RRM2: variants seen among roughly 807,000 people sequenced by gnomAD.
The protein encoded by RRM2 is ribonucleoside-diphosphate reductase subunit M2.
Under a neutral mutation model 45.9 loss-of-function variants are expected in RRM2, and 6 were observed. The ratio of observed to expected loss-of-function variants is 0.13; its 90% CI spans 0.07 to 0.26. The LOEUF is 0.26. Among genes scored for constraint, RRM2 ranks in the 10% least tolerant of loss-of-function variants. The pLI is 1.00. For missense variants in RRM2, 343 were observed against 489.5 expected, an observed-to-expected ratio of 0.70 and a Z score of 2.82; for synonymous variants, 177 against 173.0, an observed-to-expected ratio of 1.02 and a Z score of -0.18.
At chr2:10,141,565 G>C in exon 1 of RRM2, 1 of 428,842 alleles carries the variant, frequency 2.3e-6, no homozygotes, top group South Asian at 2.5e-5. Context: ...GGTTGTGCTG[G>C]AATGGAGGAG....
downstream of RRM2, among the ~76,000 whole-genome samples, chr2:10,131,611 C>T (rs1198306629): frequency 6.6e-6 from 1 of 152,202 alleles, no homozygotes; most frequent in African/African-American, 2.4e-5. Flanking sequence ...TGGTGGCACA[C>T]GCCTGTAATC....
intron 3 of RRM2, among the ~76,000 whole-genome samples, chr2:10,206,702 A>G (rs1420867954): frequency 1.3e-5 from 2 of 152,232 alleles, no homozygotes; most frequent in African/African-American, 2.4e-5. Context: ...AGAAATCCAT[A>G]TTTAGATCCA....
intron 3 of RRM2, among the ~76,000 whole-genome samples, chr2:10,193,385 C>T (rs1664350107): frequency 6.6e-6 from 1 of 152,232 alleles, no homozygotes; most frequent in Non-Finnish European, 1.5e-5. Flanking sequence ...TCTCACGAGG[C>T]TCTGTGAGAC....
At chr2:10,142,943 G>A (rs952917942) in intron 3 of RRM2, among the ~76,000 whole-genome samples, 4 of 152,192 alleles carry the variant, frequency 2.6e-5, no homozygotes, top group South Asian at 2.1e-4. Flanking sequence ...GCGCGATCTC[G>A]ACTCACTACA....
intron 3 of RRM2, among the ~76,000 whole-genome samples, chr2:10,168,950 G>T (rs1235919034): frequency 6.6e-6 from 1 of 151,948 alleles, no homozygotes; most frequent in Non-Finnish European, 1.5e-5. Context: ...CTGATCACTT[G>T]CTTCTCTTAA....
intron 3 of RRM2, among the ~76,000 whole-genome samples, chr2:10,177,984 C>T (rs1181046807): frequency 3.3e-5 from 5 of 150,728 alleles, no homozygotes; most frequent in Admixed American, 1.3e-4. Context: ...TGCAGTGGCG[C>T]GATCTCGGCT....
chr2:10,144,855 T>C (rs1219153777), intron 3 of RRM2, among the ~76,000 whole-genome samples: 5 of 152,126 alleles, frequency 3.3e-5, no homozygotes, highest in Admixed American at 2.6e-4. Context: ...AGGGAAGTCC[T>C]AGCTGCCCAC....
chr2:10,150,625 C>A (rs1375677378), intron 3 of RRM2, among the ~76,000 whole-genome samples: 1 of 151,898 alleles, frequency 6.6e-6, no homozygotes, highest in East Asian at 1.9e-4. Flanking sequence ...TCACAACCAT[C>A]AGCCACTAGA....
Position 10,122,969 on chromosome 2 carries a change from G to T in RRM2, c.100-14G>T, listed in dbSNP as rs1662694799. 2 of 1,548,118 alleles carry T rather than the reference G, an allele frequency of 1.3e-6. No individual in the cohort carries two copies. The highest frequency in any genetic ancestry group is 8.7e-7 in the Non-Finnish European group (1 of 1,151,532). On this transcript the variant is annotated splice_polypyrimidine_tract_variant and intron_variant, in intron 1 of 9. Coordinates refer to ENST00000304567, the MANE Select transcript of RRM2 (RefSeq NM_001034.4). ...AAGCGAAGCCGCTCCTCACTCACACGCGTCTCCCCGCAGCCGCCGGCCCTG... is the reference window on the plus strand; with the variant it reads ...AAGCGAAGCCGCTCCTCACTCACACTCGTCTCCCCGCAGCCGCCGGCCCTG...
intron 3 of RRM2, among the ~76,000 whole-genome samples, chr2:10,148,905 A>C (rs2125314391): frequency 6.6e-6 from 1 of 151,892 alleles, no homozygotes; most frequent in African/African-American, 2.4e-5. Context: ...TACACCGTTC[A>C]TTTTCATTTC....
At chr2:10,160,949 T>C (rs993739146) in intron 3 of RRM2, among the ~76,000 whole-genome samples, 4 of 152,194 alleles carry the variant, frequency 2.6e-5, no homozygotes, top group Non-Finnish European at 4.4e-5. Flanking sequence ...CCTGCCTCTC[T>C]GTGGAATTGT....
intron 3 of RRM2, among the ~76,000 whole-genome samples, chr2:10,144,669 C>T (rs901729218): frequency 7.9e-5 from 12 of 152,160 alleles, no homozygotes; most frequent in African/African-American, 1.7e-4. Flanking sequence ...TCCTTTTGAA[C>T]GGAAGGGCTC....
chr2:10,165,545 G>A (rs922327116), intron 3 of RRM2, among the ~76,000 whole-genome samples: 9 of 152,250 alleles, frequency 5.9e-5, no homozygotes, highest in African/African-American at 1.9e-4. Context: ...GGCTTCCGCC[G>A]CTCAGCTGGG....
At chr2:10,125,245 A>G (rs1053107494) in intron 5 of RRM2, among the ~76,000 whole-genome samples, 16 of 152,180 alleles carry the variant, frequency 1.1e-4, no homozygotes, top group African/African-American at 3.9e-4. Flanking sequence ...TAGTATAGGC[A>G]AATAAGACTT....
intron 3 of RRM2, among the ~76,000 whole-genome samples, chr2:10,179,205 T>C (rs111776140): frequency 6.6e-6 from 1 of 152,010 alleles, no homozygotes; most frequent in East Asian, 1.9e-4. Flanking sequence ...AAGGCTGCAG[T>C]GTAGTGGCGC....
intron 3 of RRM2, among the ~76,000 whole-genome samples, chr2:10,160,158 G>T (rs976020936): frequency 2.0e-5 from 3 of 152,104 alleles, no homozygotes; most frequent in Admixed American, 6.5e-5. Flanking sequence ...CCTCCCCTAC[G>T]CCTTGCACAT....
At chr2:10,159,756 A>T (rs1275203713) in intron 3 of RRM2, among the ~76,000 whole-genome samples, 1 of 152,126 alleles carries the variant, frequency 6.6e-6, no homozygotes, top group African/African-American at 2.4e-5. Flanking sequence ...CAACACTCAG[A>T]TCTTTGTTTC....
At chr2:10,160,758 A>C (rs1282647241) in intron 3 of RRM2, among the ~76,000 whole-genome samples, 1 of 152,172 alleles carries the variant, frequency 6.6e-6, no homozygotes, top group Admixed American at 6.5e-5. Context: ...ACGTCAGGAC[A>C]CTGCACCATG....
upstream of RRM2, chr2:10,122,593 G>A (rs2125305088): frequency 6.8e-7 from 1 of 1,465,644 alleles, no homozygotes; most frequent in East Asian, 2.5e-5. Context: ...CCCGCGGCCA[G>A]CCTGGGTAGG....
Sources: allele counts gnomAD v4.1 joint callset (sites outside exome capture counted in the v4.1 genomes callset), GRCh38; gene constraint gnomAD v4.1.1; transcripts MANE v1.5; gene names NCBI Gene and HGNC (gene_info 2026-07-23, HGNC 2026-07-21).